Variants in CHCHD3 observed in about 807,000 individuals in gnomAD.
The protein encoded by CHCHD3 is coiled-coil-helix-coiled-coil-helix domain containing 3.
In CHCHD3, 20 loss-of-function variants were observed where a neutral mutation model predicts 38.2. The observed-to-expected ratio is 0.52, with a 90% CI of 0.37 to 0.76. CHCHD3 has a LOEUF of 0.76. Ranked by LOEUF, CHCHD3 falls within the 30% of genes least tolerant of loss-of-function variation. The pLI, the probability that CHCHD3 is intolerant of heterozygous loss-of-function variation, is 0.00. For synonymous variants in CHCHD3, 82 were observed against 100.0 expected, an observed-to-expected ratio of 0.82 and a Z score of 1.07; for missense variants, 245 against 279.2, an observed-to-expected ratio of 0.88 and a Z score of 0.87.
chr7:132,965,979 A>G (rs1382010648), intron 4 of CHCHD3, among the ~76,000 whole-genome samples: 1 of 152,224 alleles, frequency 6.6e-6, no homozygotes, highest in Non-Finnish European at 1.5e-5. Flanking sequence ...TAAGTTTACC[A>G]CAAGTAATCA....
intron 5 of CHCHD3, among the ~76,000 whole-genome samples, chr7:132,855,188 C>A (rs1347388976): frequency 6.6e-6 from 1 of 152,168 alleles, no homozygotes; most frequent in Non-Finnish European, 1.5e-5. Flanking sequence ...TATTATAGTT[C>A]TTTCAGTACA....
rs3050414 is a variant in CHCHD3 at position 132,955,173 on chromosome 7, G to GGTGTGTGTGTGTGTGTGTGTGTGTGTGT, written c.369+19968_369+19995dup. Among the ~76,000 whole-genome samples the GGTGTGTGTGTGTGTGTGTGTGTGTGTGT allele has an allele frequency of 7.5e-3, 952 of 126,234 alleles. 20 individuals carry two copies. The highest frequency in any genetic ancestry group is 0.017 in the East Asian group (67 of 3,884). 82.8% of individuals were successfully genotyped at this position (126,234 alleles called of 152,430 possible). On this transcript the variant is annotated intron_variant, in intron 4 of 7. Coordinates refer to ENST00000262570, the MANE Select transcript of CHCHD3 (RefSeq NM_017812.4). Reference sequence around the variant, plus strand: ...AGAAAGGAGGCTTTTTCCCTCAGAGGGTGTGTGTGTGTGTGTGTGTGTGTG... The same window carrying GGTGTGTGTGTGTGTGTGTGTGTGTGTGT: ...AGAAAGGAGGCTTTTTCCCTCAGAGGGTGTGTGTGTGTGTGTGTGTGTGTGTGTGTGTGTGTGTGTGTGTGTGTGTGTG...
At chr7:132,905,209 G>A (rs1172511202) in intron 4 of CHCHD3, among the ~76,000 whole-genome samples, 1 of 151,994 alleles carries the variant, frequency 6.6e-6, no homozygotes, top group African/African-American at 2.4e-5. Flanking sequence ...TAACAAACCT[G>A]CACGTTGTGT....
chr7:133,063,850 A>G (rs1814591857), intron 2 of CHCHD3, among the ~76,000 whole-genome samples: 1 of 151,938 alleles, frequency 6.6e-6, no homozygotes, highest in African/African-American at 2.4e-5. Flanking sequence ...CACCCATGAG[A>G]CCCTACAAGA....
At chr7:132,812,251 C>T (rs1313285426) in intron 6 of CHCHD3, among the ~76,000 whole-genome samples, 2 of 136,648 alleles carry the variant, frequency 1.5e-5, no homozygotes, top group African/African-American at 2.9e-5. Context: ...TGCTGTAGCC[C>T]AGGCTGGAAT....
At chr7:132,930,754 G>C (rs1562911807) in intron 4 of CHCHD3, among the ~76,000 whole-genome samples, 1 of 152,114 alleles carries the variant, frequency 6.6e-6, no homozygotes, top group East Asian at 1.9e-4. Flanking sequence ...ACATCCTAAA[G>C]TAGAACCCAT....
intron 2 of CHCHD3, among the ~76,000 whole-genome samples, chr7:133,026,231 A>C (rs1813333583): frequency 6.6e-6 from 1 of 152,242 alleles, no homozygotes; most frequent in Non-Finnish European, 1.5e-5. Context: ...GGCTATAAAT[A>C]GGTATTTCTC....
At chr7:132,970,124 T>C (rs1293298564) in intron 4 of CHCHD3, among the ~76,000 whole-genome samples, 1 of 152,190 alleles carries the variant, frequency 6.6e-6, no homozygotes, top group East Asian at 1.9e-4. Context: ...AAGAACAGAC[T>C]ATGTTCTAAC....
chr7:133,055,650 A>G, intron 2 of CHCHD3, among the ~76,000 whole-genome samples: 2 of 148,808 alleles, frequency 1.3e-5, no homozygotes, highest in Middle Eastern at 7.2e-3. Context: ...TATTATAGTT[A>G]ATTATATATA....
chr7:132,939,201 T>C (rs1170091909), intron 4 of CHCHD3, among the ~76,000 whole-genome samples: 1 of 152,152 alleles, frequency 6.6e-6, no homozygotes, highest in Admixed American at 6.6e-5. Context: ...TAGCATAATA[T>C]TTAAAATAAG....
rs552131211 is a variant in CHCHD3, at chr7:132,846,633, CATT to C, written c.454-8167_454-8165del. Among the ~76,000 whole-genome samples, 398 of 152,298 alleles carry C rather than the reference CATT, an allele frequency of 2.6e-3. 4 individuals carry two copies. Among genetic ancestry groups the C allele is most frequent in the African/African-American group, 9.1e-3 (378 of 41,574 alleles). On this transcript the variant is annotated intron_variant, in intron 5 of 7. Coordinates refer to ENST00000262570, the MANE Select transcript of CHCHD3 (RefSeq NM_017812.4). ...GGAGTAGGTATCTTGTCCTATTCAT[CATT>C]ATACCTAGAGCACTCAGCAAACTAC...
At chr7:132,792,747 T>G (rs902755642) in intron 7 of CHCHD3, among the ~76,000 whole-genome samples, 9 of 152,178 alleles carry the variant, frequency 5.9e-5, no homozygotes, top group African/African-American at 2.2e-4. Flanking sequence ...CTTCAGTTTA[T>G]CAAAGCAACT....
At chr7:133,022,508 A>C (rs759247330) in intron 3 of CHCHD3, 2 of 456,624 alleles carry the variant, frequency 4.4e-6, no homozygotes, top group South Asian at 3.1e-5. Flanking sequence ...GGTAGAAAAA[A>C]AGAAAGAAAA....
At chr7:132,952,189 T>C (rs1272091091) in intron 4 of CHCHD3, among the ~76,000 whole-genome samples, 1 of 152,184 alleles carries the variant, frequency 6.6e-6, no homozygotes, top group East Asian at 1.9e-4. Flanking sequence ...GAGAATGACA[T>C]CTTGCCTCTT....
chr7:132,937,247 A>G (rs1810652062), intron 4 of CHCHD3, among the ~76,000 whole-genome samples: 1 of 152,218 alleles, frequency 6.6e-6, no homozygotes, highest in Admixed American at 6.5e-5. Context: ...AAAAGTAGTG[A>G]ATGAGAACTG....
intron 5 of CHCHD3, among the ~76,000 whole-genome samples, chr7:132,877,796 G>C (rs1288559798): frequency 6.6e-6 from 1 of 152,006 alleles, no homozygotes; most frequent in Non-Finnish European, 1.5e-5. Context: ...CCACATGAAT[G>C]AAGAAGCCAG....
chr7:133,031,274 G>T (rs1433641592), intron 2 of CHCHD3, among the ~76,000 whole-genome samples: 1 of 152,146 alleles, frequency 6.6e-6, no homozygotes, highest in African/African-American at 2.4e-5. Flanking sequence ...AAGATATGAA[G>T]GGAGGGAATG....
At chr7:132,934,619 T>C (rs957565085) in intron 4 of CHCHD3, among the ~76,000 whole-genome samples, 1 of 152,184 alleles carries the variant, frequency 6.6e-6, no homozygotes, top group African/African-American at 2.4e-5. Context: ...ATTATAACTC[T>C]AGAGCCTGAA....
At chr7:132,953,302 C>T (rs141744323) in intron 4 of CHCHD3, among the ~76,000 whole-genome samples, 1 of 152,192 alleles carries the variant, frequency 6.6e-6, no homozygotes, top group Non-Finnish European at 1.5e-5. Flanking sequence ...AGCCTGTCAC[C>T]TGTCTACCTT....
Sources: allele counts gnomAD v4.1 joint callset (sites outside exome capture counted in the v4.1 genomes callset), GRCh38; gene constraint gnomAD v4.1.1; transcripts MANE v1.5; gene names NCBI Gene and HGNC (gene_info 2026-07-23, HGNC 2026-07-21).